The following KAZN variants were observed in gnomAD, a reference collection of about 807,000 sequenced individuals.
The protein encoded by KAZN is kazrin.
Under a neutral mutation model 87.4 loss-of-function variants are expected in KAZN, and 40 were observed. The observed-to-expected ratio is 0.46, with a 90% CI of 0.36 to 0.60. KAZN has a LOEUF of 0.60. KAZN is among the 20% of genes least tolerant of loss of function. The pLI is 0.00. For synonymous variants in KAZN, 466 were observed against 458.3 expected (o/e 1.02, Z -0.22); for missense variants, 898 against 1,073.9 (o/e 0.84, Z 2.29).
intron 1 of KAZN, among the ~76,000 whole-genome samples, chr1:14,898,662 G>T (rs1572766131): frequency 1.3e-5 from 2 of 152,176 alleles, no homozygotes; most frequent in African/African-American, 4.8e-5. Context: ...ACAGAGTAGG[G>T]TAAGGGGTGC....
At chr1:13,926,617 A>G (rs1395698900) in intron 1 of KAZN, among the ~76,000 whole-genome samples, 1 of 151,340 alleles carries the variant, frequency 6.6e-6, no homozygotes, top group Non-Finnish European at 1.5e-5. Flanking sequence ...TAACCAGGCA[A>G]TGAAAATAAG....
At chr1:14,075,787 T>C (rs1643431461) in intron 1 of KAZN, among the ~76,000 whole-genome samples, 1 of 152,146 alleles carries the variant, frequency 6.6e-6, no homozygotes, top group African/African-American at 2.4e-5. Context: ...CTATACACTG[T>C]AGGATGTTTA....
intron 2 of KAZN, among the ~76,000 whole-genome samples, chr1:14,182,513 C>T (rs915718977): frequency 5.3e-5 from 8 of 152,124 alleles, no homozygotes; most frequent in African/African-American, 1.9e-4. Flanking sequence ...TATGATCCTC[C>T]GTTCCTTGCT....
At chr1:14,255,038 T>G (rs941494307) in intron 2 of KAZN, among the ~76,000 whole-genome samples, 1 of 150,802 alleles carries the variant, frequency 6.6e-6, no homozygotes, top group African/African-American at 2.4e-5. Context: ...GGAGAATTGC[T>G]TGAACCGGGA....
At chr1:14,214,503 A>G (rs922015698) in intron 2 of KAZN, among the ~76,000 whole-genome samples, 16 of 152,194 alleles carry the variant, frequency 1.1e-4, no homozygotes, top group African/African-American at 3.6e-4. Flanking sequence ...ACAGCTTCCA[A>G]TAAATGCTTA....
intron 2 of KAZN, among the ~76,000 whole-genome samples, chr1:14,566,194 C>A (rs1048775073): frequency 6.6e-6 from 1 of 152,184 alleles, no homozygotes; most frequent in African/African-American, 2.4e-5. Flanking sequence ...AGAAAGGATG[C>A]TGTGTTAGCA....
chr1:13,990,349 G>A (rs1639219275), intron 1 of KAZN, among the ~76,000 whole-genome samples: 1 of 152,168 alleles, frequency 6.6e-6, no homozygotes, highest in Non-Finnish European at 1.5e-5. Context: ...AGTAATAAAA[G>A]AAGTGTATTC....
intron 1 of KAZN, among the ~76,000 whole-genome samples, chr1:14,153,778 CAAAAAAAAA>C (rs58002901): frequency 4.0e-4 from 48 of 120,368 alleles, no homozygotes; most frequent in East Asian, 1.6e-3. Flanking sequence ...AACTCTGTCT[CAAAAAAAAA>C]AAAAAAAAAA....
At chr1:14,944,518 G>A (rs1661512809) in intron 1 of KAZN, among the ~76,000 whole-genome samples, 1 of 152,210 alleles carries the variant, frequency 6.6e-6, no homozygotes, top group Non-Finnish European at 1.5e-5. Flanking sequence ...AGGGGTCCTA[G>A]GGGGACACGA....
intron 1 of KAZN, among the ~76,000 whole-genome samples, chr1:14,126,210 T>G (rs1644861781): frequency 2.6e-5 from 4 of 152,066 alleles, no homozygotes; most frequent in Admixed American, 2.6e-4. Context: ...GGACTTTCAG[T>G]CACGTGAGGC....
At chr1:14,214,277 A>G (rs1646914634) in intron 2 of KAZN, among the ~76,000 whole-genome samples, 2 of 152,174 alleles carry the variant, frequency 1.3e-5, no homozygotes, top group South Asian at 4.1e-4. Flanking sequence ...ATGATCACAT[A>G]CATGAATTTG....
intron 2 of KAZN, among the ~76,000 whole-genome samples, chr1:14,516,113 T>C (rs11808733): frequency 0.018 from 2,744 of 152,316 alleles, 71 homozygotes; most frequent in African/African-American, 0.062. Flanking sequence ...GTGTTTCGCT[T>C]GAGCAGCAAG....
intron 1 of KAZN, among the ~76,000 whole-genome samples, chr1:14,950,006 C>T (rs1442156356): frequency 6.6e-6 from 1 of 152,046 alleles, no homozygotes; most frequent in African/African-American, 2.4e-5. Flanking sequence ...GGTTTCAACA[C>T]CACCTAACGG....
chr1:13,952,690 C>T (rs1361306617), intron 1 of KAZN, among the ~76,000 whole-genome samples: 1 of 152,082 alleles, frequency 6.6e-6, no homozygotes, highest in Non-Finnish European at 1.5e-5. Context: ...ATAAAGTCAA[C>T]CTGTGTGCAC....
intron 2 of KAZN, among the ~76,000 whole-genome samples, chr1:14,199,881 C>T (rs971727091): frequency 6.6e-6 from 1 of 152,038 alleles, no homozygotes; most frequent in Non-Finnish European, 1.5e-5. Context: ...GCTGATAGGA[C>T]AGATTATAAA....
intron 1 of KAZN, among the ~76,000 whole-genome samples, chr1:14,032,162 G>A (rs956851388): frequency 6.6e-6 from 1 of 152,096 alleles, no homozygotes; most frequent in Admixed American, 6.5e-5. Context: ...CTTCTGATCT[G>A]TTTAATGGGT....
rs1676765782 is a variant in KAZN, at chr1:14,599,370, C to A, written c.226+147C>A. The A allele has an allele frequency of 2.4e-6, 2 of 848,270 alleles. No homozygotes were observed. The highest frequency in any genetic ancestry group is 3.1e-6 in the Non-Finnish European group (2 of 642,196). The allele number at this position is 848,270 out of a possible 1,614,324, so 52.5% of individuals were successfully genotyped here. On this transcript the variant is annotated intron_variant, in intron 1 of 14. Transcript: ENST00000376030. The surrounding 1 kb of genome is among the most constrained non-coding windows in gnomAD (Gnocchi z 4.4). ...ACCCTTTCCGCCCGGCGGTGGCCACCGCTGCTCTCCGGCTGGGAGTTGCAG... is the reference window on the plus strand; with the variant it reads ...ACCCTTTCCGCCCGGCGGTGGCCACAGCTGCTCTCCGGCTGGGAGTTGCAG...
chr1:14,802,645 G>A (rs555295496), intron 1 of KAZN, among the ~76,000 whole-genome samples: 1 of 152,180 alleles, frequency 6.6e-6, no homozygotes, highest in Non-Finnish European at 1.5e-5. Context: ...GTGCTTCCAC[G>A]ATCAGGGGGT....
chr1:14,602,019 C>A (rs559783712), intron 1 of KAZN, among the ~76,000 whole-genome samples: 10 of 152,142 alleles, frequency 6.6e-5, no homozygotes, highest in South Asian at 4.2e-4. Context: ...TTTTTAAATT[C>A]TTTTTTTAAA....
Sources: gnomAD v4.1 joint callset for allele counts (sites outside exome capture counted in the v4.1 genomes callset) on GRCh38, gnomAD v4.1.1 for gene constraint, Gnocchi (gnomAD v3.1) non-coding constraint, MANE v1.5 for transcripts, NCBI Gene and HGNC (gene_info 2026-07-23, HGNC 2026-07-21) for gene names.